Variants in AOAH observed in about 807,000 individuals in gnomAD.
AOAH encodes acyloxyacyl hydrolase.
A neutral mutation model predicts 92.2 loss-of-function variants in AOAH; 64 were observed. The ratio of observed to expected loss-of-function variants is 0.69; its 90% CI spans 0.57 to 0.86. AOAH has a LOEUF of 0.86. AOAH is among the 40% of genes least tolerant of loss of function. The pLI is 0.00. For missense variants in AOAH, 656 were observed against 694.6 expected (o/e 0.94, Z 0.62); for synonymous variants, 263 against 254.5 (o/e 1.03, Z -0.32).
At chr7:36,518,298 C>T (rs1269535577) in intron 20 of AOAH, among the ~76,000 whole-genome samples, 1 of 152,078 alleles carries the variant, frequency 6.6e-6, no homozygotes, top group Non-Finnish European at 1.5e-5. Context: ...CAACCTCTGC[C>T]TCCCAAGTTC....
chr7:36,609,667 C>T (rs965433306), intron 11 of AOAH, among the ~76,000 whole-genome samples: 1 of 152,140 alleles, frequency 6.6e-6, no homozygotes, highest in South Asian at 2.1e-4. Context: ...CTTCAGGCAG[C>T]CTTTCCTCCA....
At chr7:36,646,449 T>C (rs1477860274) in intron 4 of AOAH, among the ~76,000 whole-genome samples, 1 of 152,248 alleles carries the variant, frequency 6.6e-6, no homozygotes, top group Admixed American at 6.5e-5. Context: ...ATGGTGGGTA[T>C]GGTTCAGTCA....
chr7:36,720,426 A>G (rs1584196361), intron 1 of AOAH, among the ~76,000 whole-genome samples: 1 of 151,848 alleles, frequency 6.6e-6, no homozygotes, highest in African/African-American at 2.4e-5. Context: ...CCACCTCAGC[A>G]TCCCAAAGTG....
intron 13 of AOAH, among the ~76,000 whole-genome samples, chr7:36,572,651 T>A (rs1788218750): frequency 6.6e-6 from 1 of 152,178 alleles, no homozygotes; most frequent in Non-Finnish European, 1.5e-5. Flanking sequence ...ATGCTGGACA[T>A]TTATGAAGCC....
rs557287827 is a variant in AOAH, at chr7:36,690,857, C to T, written c.128-4063G>A. ...AAAACAGCTGCCAGAGGGATCACAT[C>T]TGGCCACATACCTCAGGTAGACTGC... On this transcript the variant is annotated intron_variant, in intron 1 of 20. Coordinates refer to ENST00000617537, the MANE Select transcript of AOAH (RefSeq NM_001637.4). Among the ~76,000 whole-genome samples, 5 of 152,332 alleles carry T rather than the reference C, an allele frequency of 3.3e-5. No homozygotes were observed. In the East Asian group the frequency reaches 9.6e-4, roughly 29 times the overall value.
chr7:36,690,227 T>C (rs1797308710), intron 1 of AOAH: 1 of 454,066 alleles, frequency 2.2e-6, no homozygotes. Context: ...CAAAAAAAAT[T>C]ATCTGTCTCT....
intron 11 of AOAH, among the ~76,000 whole-genome samples, chr7:36,596,899 C>A (rs73338180): frequency 1.3e-5 from 2 of 152,164 alleles, no homozygotes; most frequent in African/African-American, 4.8e-5. Flanking sequence ...AACCCCTTTA[C>A]TATGTTTACT....
intron 11 of AOAH, among the ~76,000 whole-genome samples, chr7:36,615,784 G>A (rs576229725): frequency 2.6e-5 from 4 of 152,220 alleles, no homozygotes; most frequent in Non-Finnish European, 5.9e-5. Flanking sequence ...CTCTCTTATA[G>A]TGCCTGACAC....
In AOAH at chr7:36,561,040, C is replaced by CT. The variant is rs72472573; in HGVS notation, c.1022-11566dup. On this transcript the variant is annotated intron_variant, in intron 13 of 20. Coordinates refer to ENST00000617537, the MANE Select transcript of AOAH (RefSeq NM_001637.4). ...TAGACACATAATTGAGCACTGGGAA[C>CT]TTTTTTTTTTTTTTTTTTTTGAGAC... Among the ~76,000 whole-genome samples, 745 of 121,770 alleles carry CT rather than the reference C, an allele frequency of 6.1e-3. 5 individuals are homozygous for CT. Among genetic ancestry groups the CT allele is most frequent in the South Asian group, 9.3e-3 (35 of 3,744 alleles). 79.9% of individuals were successfully genotyped at this position (121,770 alleles called of 152,430 possible).
chr7:36,557,666 T>C (rs1786865834), intron 13 of AOAH, among the ~76,000 whole-genome samples: 1 of 152,202 alleles, frequency 6.6e-6, no homozygotes, highest in Non-Finnish European at 1.5e-5. Context: ...CCATATTTCT[T>C]GGAGGCTTTG....
intron 13 of AOAH, among the ~76,000 whole-genome samples, chr7:36,561,415 A>G (rs993321395): frequency 4.6e-5 from 7 of 152,312 alleles, no homozygotes; most frequent in African/African-American, 1.4e-4. Context: ...TTTGAGGCCT[A>G]TTATCTCTAT....
At chr7:36,704,286 C>T in intron 1 of AOAH, among the ~76,000 whole-genome samples, 1 of 152,072 alleles carries the variant, frequency 6.6e-6, no homozygotes, top group South Asian at 2.1e-4. Context: ...CAAAAATTTT[C>T]TCCCATTCTG....
At chr7:36,704,304 C>G (rs969128755) in intron 1 of AOAH, among the ~76,000 whole-genome samples, 1 of 152,082 alleles carries the variant, frequency 6.6e-6, no homozygotes, top group South Asian at 2.1e-4. Context: ...CTGTAGGTTG[C>G]CTGTTCACTC....
At position 36,636,018 on chromosome 7, in the gene AOAH, A is replaced by T. The variant is rs549704450; in HGVS notation, c.450+1833T>A. On this transcript the variant is annotated intron_variant, in intron 5 of 20. Transcript: ENST00000617537. ...GTTTGATCTCCTTCAATAATGCATA[A>T]CTGTTTTCAAGTCTGAATTCTCACC... 1.4e-3 allele frequency among the ~76,000 whole-genome samples: 214 copies of T among 152,204 alleles called. 1 individual carries two copies. Among genetic ancestry groups the T allele is most frequent in the African/African-American group, 4.9e-3 (204 of 41,504 alleles).
intron 2 of AOAH, among the ~76,000 whole-genome samples, chr7:36,678,003 G>A (rs1467484138): frequency 1.3e-5 from 2 of 152,200 alleles, no homozygotes; most frequent in African/African-American, 2.4e-5. Flanking sequence ...CTGGTGTAAT[G>A]AAAATGTTCT....
intron 2 of AOAH, among the ~76,000 whole-genome samples, chr7:36,686,111 T>C (rs931016734): frequency 6.6e-6 from 1 of 152,234 alleles, no homozygotes; most frequent in Non-Finnish European, 1.5e-5. Flanking sequence ...ATTAATATTT[T>C]ATTTCTACTA....
chr7:36,721,852 T>C (rs1799651213), intron 1 of AOAH, among the ~76,000 whole-genome samples: 1 of 152,190 alleles, frequency 6.6e-6, no homozygotes, highest in Non-Finnish European at 1.5e-5. Flanking sequence ...CAATGGAAGA[T>C]GGCAAGTAAT....
intron 1 of AOAH, among the ~76,000 whole-genome samples, chr7:36,710,074 TATA>T (rs1798663379): frequency 6.6e-6 from 1 of 152,184 alleles, no homozygotes; most frequent in Non-Finnish European, 1.5e-5. Context: ...TAGGTAGAAT[TATA>T]ATATTTCTGC....
At chr7:36,633,506 G>A (rs1026528474) in intron 5 of AOAH, among the ~76,000 whole-genome samples, 2 of 152,190 alleles carry the variant, frequency 1.3e-5, no homozygotes, top group African/African-American at 4.8e-5. Context: ...CCTGGCTCCC[G>A]GAAGAGGGAG....
Sources: gnomAD v4.1 joint callset for allele counts (sites outside exome capture counted in the v4.1 genomes callset) on GRCh38, gnomAD v4.1.1 for gene constraint, MANE v1.5 for transcripts, NCBI Gene and HGNC (gene_info 2026-07-23, HGNC 2026-07-21) for gene names.